AXL: variants seen among roughly 807,000 people sequenced by gnomAD.
AXL encodes the protein tyrosine-protein kinase receptor UFO.
In AXL, 52 loss-of-function variants were observed where a neutral mutation model predicts 104.5. The observed-to-expected ratio is 0.50, with a 90% CI of 0.40 to 0.63. The LOEUF (loss-of-function observed/expected upper bound fraction) is 0.63, where lower values mean the gene tolerates loss of function less well. Among genes scored for constraint, AXL ranks in the 20% least tolerant of loss-of-function variants. The pLI is 0.00. For synonymous variants in AXL, 455 were observed against 473.7 expected (o/e 0.96, Z 0.51); for missense variants, 1,024 against 1,188.5 (o/e 0.86, Z 2.04).
At chr19:41,252,310 T>TCTCCTCCC in intron 14 of AXL, 41 bp from the exon 15 acceptor site, 1 of 1,534,804 alleles carries the variant, frequency 6.5e-7, no homozygotes, top group South Asian at 1.1e-5. Flanking sequence ...GAGTCCTCCC[T>TCTCCTCCC]CTCCTCCCCT....
chr19:41,237,985 A>G lies in AXL; in HGVS notation c.825A>G (p.Glu275=). The change falls in exon 7 of 20, where the codon GAA becomes GAG. Residue 275 remains glutamate (E), a synonymous_variant. Transcript: ENST00000301178. ...SDDGMGIQAG[E]PDPPEEPLTS... ...ATGGGATGGGCATCCAGGCGGGAGA[A>G]CCAGACCCCCCAGAGGAGCCCCTCA... is the stretch of plus-strand genomic sequence containing the variant. The G allele has an allele frequency of 6.2e-7, 1 of 1,613,822 alleles. No homozygotes were observed. Among genetic ancestry groups the G allele is most frequent in the Non-Finnish European group, 8.5e-7 (1 of 1,179,918 alleles).
In AXL at chr19:41,256,471, G is replaced by T. The variant is rs763877877; in HGVS notation, c.2056G>T (p.Val686Leu). The T allele has an allele frequency of 1.2e-6, 2 of 1,613,850 alleles. No homozygotes were observed. The highest frequency in any genetic ancestry group is 2.7e-5 in the African/African-American group (2 of 75,042). Reference sequence around the variant, plus strand: ...AAACAGGCTGAATGAGAACATGTCCGTGTGTGTGGCGGACTTCGGGCTCTC... The same window carrying T: ...AAACAGGCTGAATGAGAACATGTCCTTGTGTGTGGCGGACTTCGGGCTCTC... ...RNCMLNENMS[V>L]CVADFGLSKK... The change falls in exon 18 of 20, where the codon GTG (valine) becomes TTG (leucine). Residue 686 changes from valine to leucine, a missense_variant. Coordinates refer to ENST00000301178, the MANE Select transcript of AXL (RefSeq NM_021913.5).
intron 17 of AXL, 152 bp downstream of exon 17, chr19:41,253,860 A>G (rs2034410065): frequency 1.5e-6 from 1 of 652,896 alleles, no homozygotes; most frequent in Non-Finnish European, 2.7e-6. Flanking sequence ...GGGTCTGGGA[A>G]GGCTTCCTGG....
chr19:41,239,318 A>C lies in AXL; in HGVS notation c.1285+4A>C. The C allele has an allele frequency of 6.4e-7, 1 of 1,562,582 alleles. No individual in the cohort carries two copies. The highest frequency in any genetic ancestry group is 8.6e-7 in the Non-Finnish European group (1 of 1,157,208). On this transcript the variant is annotated splice_donor_region_variant and intron_variant, in intron 9 of 19. Transcript: ENST00000301178. ...CCCCTGGAGGCCTGGCGCCCAGGTA[A>C]GTCCAAAGCCATGCCCAACCTGCTT...
chr19:41,226,444 G>T (rs1290084620), intron 4 of AXL, among the ~76,000 whole-genome samples: 7 of 152,228 alleles, frequency 4.6e-5, no homozygotes, highest in African/African-American at 1.7e-4. Context: ...CGGAGGCTGC[G>T]GGAGCGGGCA....
intron 6 of AXL, among the ~76,000 whole-genome samples, chr19:41,236,626 C>T (rs1478397055): frequency 2.6e-5 from 4 of 151,258 alleles, no homozygotes; most frequent in Non-Finnish European, 5.9e-5. Flanking sequence ...ACTGAAAATA[C>T]GGCAATTAGT....
intron 12 of AXL, among the ~76,000 whole-genome samples, chr19:41,246,746 G>A (rs2122258995): frequency 6.6e-6 from 1 of 152,102 alleles, no homozygotes; most frequent in Admixed American, 6.6e-5. Flanking sequence ...TTAGAGATGG[G>A]GTCTGGCTAT....
chr19:41,228,424 C>T (rs749132627), intron 4 of AXL, among the ~76,000 whole-genome samples: 7 of 151,966 alleles, frequency 4.6e-5, no homozygotes, highest in Non-Finnish European at 7.4e-5. Flanking sequence ...CATGGTGGCG[C>T]GCTCCTGTAA....
At chr19:41,243,738 C>T (rs780663912) in intron 12 of AXL, 31 bp downstream of exon 12, 6 of 1,585,210 alleles carry the variant, frequency 3.8e-6, no homozygotes, top group Non-Finnish European at 3.5e-6. Flanking sequence ...ACTGCCCTGG[C>T]CTGGATCTAA....
intron 12 of AXL, 131 bp from the exon 13 acceptor site, chr19:41,248,383 C>A (rs1023747086): frequency 1.5e-5 from 13 of 866,836 alleles, no homozygotes; most frequent in African/African-American, 3.3e-5. Context: ...GTGCTCAGGG[C>A]AGTTGCTAAT....
At chr19:41,227,534 G>T (rs1485157537) in intron 4 of AXL, among the ~76,000 whole-genome samples, 1 of 150,050 alleles carries the variant, frequency 6.7e-6, no homozygotes, top group Non-Finnish European at 1.5e-5. Flanking sequence ...CGCCCAGGCT[G>T]GAGTGCAGTG....
chr19:41,232,091 A>G (rs7246525), intron 6 of AXL, among the ~76,000 whole-genome samples: 77,553 of 151,884 alleles, frequency 0.51, 20,746 homozygotes, highest in African/African-American at 0.67. Flanking sequence ...AGAACCCTCC[A>G]CTTCTCCCAT....
intron 10 of AXL, among the ~76,000 whole-genome samples, chr19:41,239,988 G>T (rs1006222202): frequency 2.0e-5 from 3 of 152,120 alleles, no homozygotes; most frequent in African/African-American, 7.2e-5. Flanking sequence ...AGGGTGGATG[G>T]GTGGGTGGGT....
At position 41,243,642 on chromosome 19, in the gene AXL, G is replaced by C; in HGVS notation, c.1472G>C (p.Arg491Thr). 1 of 1,614,058 alleles carries C rather than the reference G, an allele frequency of 6.2e-7. No homozygotes were observed. The highest frequency in any genetic ancestry group is 8.5e-7 in the Non-Finnish European group (1 of 1,179,990). Reference protein sequence around the residue: ...YGEVFEPTVERGELVVRYRVR... With the variant: ...YGEVFEPTVETGELVVRYRVR... ...GAAGTGTTTGAACCAACAGTGGAAA[G>C]AGGTGAACTGGTAGTCAGGTACCGC... The change falls in exon 12 of 20, where the codon AGA becomes ACA. Residue 491 changes from arginine (R) to threonine (T), a missense_variant. Coordinates refer to ENST00000301178, the MANE Select transcript of AXL (RefSeq NM_021913.5).
intron 8 of AXL, 93 bp downstream of exon 8, chr19:41,238,702 A>T (rs2034127830): frequency 6.8e-7 from 1 of 1,466,826 alleles, no homozygotes; most frequent in Non-Finnish European, 9.1e-7. Flanking sequence ...AAGGTTGGGT[A>T]GTACACAATT....
chr19:41,226,474 G>C (rs1233480902), intron 4 of AXL, among the ~76,000 whole-genome samples: 7 of 152,198 alleles, frequency 4.6e-5, no homozygotes, highest in African/African-American at 1.7e-4. Context: ...GTCTGGGAAC[G>C]GCCACCTAGG....
intron 4 of AXL, among the ~76,000 whole-genome samples, chr19:41,223,721 G>T (rs1364404843): frequency 6.6e-6 from 1 of 152,116 alleles, no homozygotes; most frequent in South Asian, 2.1e-4. Flanking sequence ...CCCATGGCTC[G>T]AGTGGCTGAG....
chr19:41,256,321 T>G, intron 17 of AXL, 131 bp from the exon 18 acceptor site: 1 of 1,085,164 alleles, frequency 9.2e-7, no homozygotes, highest in Non-Finnish European at 1.4e-6. Flanking sequence ...GGATGAAGGT[T>G]TAGGAGACAG....
chr19:41,250,748 T>C (rs1017604696), intron 14 of AXL, among the ~76,000 whole-genome samples: 3 of 152,186 alleles, frequency 2.0e-5, no homozygotes, highest in Non-Finnish European at 2.9e-5. Flanking sequence ...GCCTACGTTT[T>C]TTGTTTTTTG....
Sources: allele counts gnomAD v4.1 joint callset (sites outside exome capture counted in the v4.1 genomes callset), GRCh38; gene constraint gnomAD v4.1.1; transcripts MANE v1.5; gene names NCBI Gene and HGNC (gene_info 2026-07-23, HGNC 2026-07-21).